Variants in IMMP2L observed in about 807,000 individuals in gnomAD.
IMMP2L encodes mitochondrial inner membrane protease subunit 2.
In IMMP2L, 18 loss-of-function variants were observed where a neutral mutation model predicts 19.3. The ratio of observed to expected loss-of-function variants is 0.93; its 90% confidence interval spans 0.64 to 1.38. The LOEUF (loss-of-function observed/expected upper bound fraction) is 1.38. Among genes scored for constraint, IMMP2L ranks in the 40% most tolerant of loss-of-function variants. IMMP2L has a pLI of 0.00. For synonymous variants in IMMP2L, 76 were observed against 73.0 expected (o/e 1.04, Z -0.21); for missense variants, 233 against 218.2 (o/e 1.07, Z -0.43).
intron 3 of IMMP2L, among the ~76,000 whole-genome samples, chr7:111,184,394 C>A (rs1808044013): frequency 6.6e-6 from 1 of 151,874 alleles, no homozygotes; most frequent in African/African-American, 2.4e-5. Flanking sequence ...GTGTAGTATT[C>A]CAAAGTACAT....
chr7:111,111,942 G>GTTTGT (rs1799264812), intron 3 of IMMP2L, among the ~76,000 whole-genome samples: 5 of 84,126 alleles, frequency 5.9e-5, no homozygotes, highest in African/African-American at 2.0e-4. Flanking sequence ...TATATAGTTT[G>GTTTGT]TTTTTTTTTT....
At chr7:111,347,740 GGAGA>G in intron 3 of IMMP2L, among the ~76,000 whole-genome samples, 1 of 151,962 alleles carries the variant, frequency 6.6e-6, no homozygotes, top group East Asian at 1.9e-4. Flanking sequence ...GAAAAAAACA[GGAGA>G]GAAAGGGACA....
intron 3 of IMMP2L, among the ~76,000 whole-genome samples, chr7:111,142,325 C>CA (rs761556733): frequency 1.2e-3 from 78 of 62,476 alleles, no homozygotes; most frequent in East Asian, 7.7e-3. Context: ...GACTCTGTCT[C>CA]AAAAAAAAAA....
At chr7:110,941,632 G>T (rs1816738223) in intron 4 of IMMP2L, among the ~76,000 whole-genome samples, 1 of 152,042 alleles carries the variant, frequency 6.6e-6, no homozygotes, top group African/African-American at 2.4e-5. Flanking sequence ...TCACAATCTG[G>T]TTTTATTTAC....
intron 4 of IMMP2L, among the ~76,000 whole-genome samples, chr7:110,919,695 C>A (rs746498898): frequency 6.6e-5 from 10 of 151,750 alleles, no homozygotes; most frequent in Non-Finnish European, 1.3e-4. Flanking sequence ...AAAAAATATT[C>A]TAAGAGTACC....
At chr7:111,472,188 G>GTA (rs1225311796) in intron 3 of IMMP2L, among the ~76,000 whole-genome samples, 2 of 151,894 alleles carry the variant, frequency 1.3e-5, no homozygotes, top group East Asian at 3.9e-4. Context: ...CTTTGGGCAT[G>GTA]TATATATATA....
intron 5 of IMMP2L, among the ~76,000 whole-genome samples, chr7:110,670,307 T>G (rs1791801959): frequency 2.6e-5 from 4 of 152,192 alleles, no homozygotes; most frequent in Admixed American, 2.6e-4. Flanking sequence ...GTTCCAGAAT[T>G]GTCAGAAAAT....
At chr7:110,753,903 G>C (rs1001714733) in intron 5 of IMMP2L, among the ~76,000 whole-genome samples, 1 of 151,928 alleles carries the variant, frequency 6.6e-6, no homozygotes, top group Non-Finnish European at 1.5e-5. Flanking sequence ...AATAAAAATA[G>C]AAGGACAAAT....
At chr7:111,204,092 T>C (rs1035194040) in intron 3 of IMMP2L, among the ~76,000 whole-genome samples, 3 of 152,192 alleles carry the variant, frequency 2.0e-5, no homozygotes, top group African/African-American at 7.2e-5. Context: ...TTATAGTATC[T>C]ACATTTTAAA....
intron 4 of IMMP2L, among the ~76,000 whole-genome samples, chr7:110,896,781 T>C (rs899295347): frequency 3.3e-5 from 5 of 152,084 alleles, no homozygotes; most frequent in African/African-American, 1.2e-4. Flanking sequence ...ATGATAGTTA[T>C]ATAGGGAAAA....
intron 3 of IMMP2L, among the ~76,000 whole-genome samples, chr7:111,380,756 A>G (rs1033774710): frequency 5.3e-5 from 8 of 152,016 alleles, no homozygotes; most frequent in African/African-American, 1.9e-4. Context: ...CTAGTCTAAA[A>G]TTGGCCATCT....
chr7:111,417,566 T>C (rs1343895175), intron 3 of IMMP2L, among the ~76,000 whole-genome samples: 2 of 151,796 alleles, frequency 1.3e-5, no homozygotes. Flanking sequence ...CAGAGGTCTA[T>C]GAAGACCCCT....
At chr7:110,929,546 G>A (rs578118678) in intron 4 of IMMP2L, among the ~76,000 whole-genome samples, 59 of 152,246 alleles carry the variant, frequency 3.9e-4, no homozygotes, top group Middle Eastern at 3.4e-3. Context: ...TGTTCAGGCT[G>A]TTTCTATACA....
chr7:111,021,429 C>G (rs1172451976), intron 3 of IMMP2L, among the ~76,000 whole-genome samples: 5 of 152,204 alleles, frequency 3.3e-5, no homozygotes, highest in Non-Finnish European at 4.4e-5. Context: ...AAAGGCATAT[C>G]CGAGACTGGG....
intron 3 of IMMP2L, among the ~76,000 whole-genome samples, chr7:111,122,014 T>G (rs1003343259): frequency 2.1e-5 from 3 of 145,666 alleles, no homozygotes; most frequent in Admixed American, 7.1e-5. Flanking sequence ...TCACTCATAG[T>G]TGGGAACTGA....
At position 111,418,135 on chromosome 7, in the gene IMMP2L, A is replaced by G. The variant is rs1471956604; in HGVS notation, c.239+69103T>C. ...ATCAGCAGCTATTTTTCCAAATATT[A>G]TTATGATAATGTCACTGACCATCTT... On this transcript the variant is annotated intron_variant, in intron 3 of 5. Coordinates refer to ENST00000405709, the MANE Select transcript of IMMP2L (RefSeq NM_032549.4). 6.6e-5 allele frequency among the ~76,000 whole-genome samples: 10 copies of G among 152,022 alleles called. No homozygotes were observed. In the East Asian group the frequency reaches 1.9e-3, roughly 29 times the overall value.
intron 3 of IMMP2L, among the ~76,000 whole-genome samples, chr7:111,464,900 C>T (rs13246670): frequency 3.3e-5 from 5 of 152,168 alleles, no homozygotes; most frequent in Admixed American, 6.5e-5. Context: ...GCCATTCTCT[C>T]GCCTCAGCCT....
intron 3 of IMMP2L, among the ~76,000 whole-genome samples, chr7:111,164,311 G>A (rs1232703596): frequency 6.6e-6 from 1 of 152,042 alleles, no homozygotes; most frequent in Admixed American, 6.6e-5. Flanking sequence ...AGAGCTCTGG[G>A]AAATCAAAAA....
At chr7:111,382,353 A>T (rs1831279282) in intron 3 of IMMP2L, among the ~76,000 whole-genome samples, 1 of 152,060 alleles carries the variant, frequency 6.6e-6, no homozygotes, top group Non-Finnish European at 1.5e-5. Flanking sequence ...ACACAATGCC[A>T]GAAAAAAAAT....
Sources: gnomAD v4.1 joint callset for allele counts (sites outside exome capture counted in the v4.1 genomes callset) on GRCh38, gnomAD v4.1.1 for gene constraint, MANE v1.5 for transcripts, NCBI Gene and HGNC (gene_info 2026-07-23, HGNC 2026-07-21) for gene names.